The following TNRC6B variants were observed in gnomAD, a reference collection of about 807,000 sequenced individuals.
TNRC6B encodes the protein trinucleotide repeat containing adaptor 6B.
TNRC6B carries 52 observed loss-of-function variants against 203.6 expected under a neutral mutation model. The ratio of observed to expected loss-of-function variants is 0.26; its 90% CI spans 0.20 to 0.32. The LOEUF (loss-of-function observed/expected upper bound fraction) is 0.32, where lower values mean the gene tolerates loss of function less well. Among genes scored for constraint, TNRC6B ranks in the 10% least tolerant of loss-of-function variants. TNRC6B has a pLI of 1.00. For synonymous variants in TNRC6B, 838 were observed against 845.7 expected, an observed-to-expected ratio of 0.99 and a Z score of 0.16; for missense variants, 1,923 against 2,286.2, an observed-to-expected ratio of 0.84 and a Z score of 3.24.
At chr22:40,156,146 A>G (rs748016726) in exon 4 of TNRC6B, 2 of 1,582,026 alleles carry the variant, frequency 1.3e-6, no homozygotes, top group Non-Finnish European at 1.7e-6. Context: ...ATGGAAGGGC[A>G]TGGCAAGACT....
intron 1 of TNRC6B, among the ~76,000 whole-genome samples, chr22:40,223,507 TACGTAC>T (rs1371261423): frequency 6.6e-6 from 1 of 152,244 alleles, no homozygotes; most frequent in African/African-American, 2.4e-5. Context: ...CCCCTTTTCT[TACGTAC>T]ATGATATCAT....
chr22:40,268,431 A>G (rs1184806526), intron 5 of TNRC6B, among the ~76,000 whole-genome samples: 2 of 152,132 alleles, frequency 1.3e-5, no homozygotes, highest in African/African-American at 4.8e-5. Context: ...CAGCTAATCC[A>G]TTTGTGGCCT....
chr22:40,144,752 A>G (rs986930007), intron 3 of TNRC6B, among the ~76,000 whole-genome samples: 12 of 151,902 alleles, frequency 7.9e-5, no homozygotes, highest in Admixed American at 5.9e-4. Context: ...ATACCGAGTG[A>G]AAAAATGTAG....
At chr22:40,251,412 GT>G (rs2070191201) in intron 3 of TNRC6B, among the ~76,000 whole-genome samples, 1 of 152,164 alleles carries the variant, frequency 6.6e-6, no homozygotes, top group South Asian at 2.1e-4. Flanking sequence ...AGTCAAAAGA[GT>G]AAATACCTTG....
At chr22:40,053,558 G>C (rs755379735) in intron 1 of TNRC6B, among the ~76,000 whole-genome samples, 25 of 152,102 alleles carry the variant, frequency 1.6e-4, no homozygotes, top group Non-Finnish European at 2.8e-4. Context: ...TGTTCTCTTA[G>C]ACTTTACTCA....
At position 40,287,464 on chromosome 22, in the gene TNRC6B, G is replaced by A. The variant is rs117117406; in HGVS notation, c.3708+1694G>A. The stretch of plus-strand genomic sequence containing the variant: ...CTCCACACCCCTTCCTTGCCTCCCC[G>A]TCATCACCACCAACTGCCTCTCCAA... On this transcript the variant is annotated intron_variant, in intron 12 of 22. Transcript: ENST00000454349. Among the ~76,000 whole-genome samples, 29 of 152,228 alleles carry A rather than the reference G, an allele frequency of 1.9e-4. No individual in the cohort carries two copies. In the East Asian group the frequency reaches 4.6e-3, roughly 24 times the overall value.
Position 40,301,332 on chromosome 22 carries a change from T to C in TNRC6B, c.4119T>C (p.Ser1373=), listed in dbSNP as rs771585614. Reference sequence around the variant, plus strand: ...AAGGGCCAATACCTGGATATGGTTCTGGTAAGTTGTTGGTAGAGAAAATTA... The same window carrying C: ...AAGGGCCAATACCTGGATATGGTTCCGGTAAGTTGTTGGTAGAGAAAATTA... ...QTKGPIPGYG[S]GFSSGGMDYG... Residue 1373 remains serine (S), a splice_region_variant and synonymous_variant, in exon 15 of 23, where the codon TCT becomes TCC. Coordinates refer to ENST00000454349, the MANE Select transcript of TNRC6B (RefSeq NM_001162501.2). 1 of 1,605,628 alleles carries C rather than the reference T, an allele frequency of 6.2e-7. No homozygotes were observed. Among genetic ancestry groups the C allele is most frequent in the South Asian group, 1.1e-5 (1 of 89,372 alleles).
At chr22:40,143,988 AG>A (rs1426503944) in intron 3 of TNRC6B, among the ~76,000 whole-genome samples, 1 of 152,240 alleles carries the variant, frequency 6.6e-6, no homozygotes, top group South Asian at 2.1e-4. Flanking sequence ...ATTATTCATG[AG>A]CAAAATACAA....
chr22:40,309,250 A>G (rs887510424), intron 16 of TNRC6B, among the ~76,000 whole-genome samples: 1 of 152,172 alleles, frequency 6.6e-6, no homozygotes, highest in Non-Finnish European at 1.5e-5. Context: ...AGGTCTCAGA[A>G]CCTTCCTTCA....
chr22:40,054,110 A>G (rs906986966), intron 1 of TNRC6B, among the ~76,000 whole-genome samples: 8 of 152,118 alleles, frequency 5.3e-5, no homozygotes, highest in Admixed American at 1.3e-4. Context: ...CCAGCTACTC[A>G]GGAGGCTGAG....
intron 1 of TNRC6B, among the ~76,000 whole-genome samples, chr22:40,075,966 A>G (rs895201649): frequency 6.6e-6 from 1 of 152,252 alleles, no homozygotes; most frequent in Middle Eastern, 3.4e-3. Context: ...ATTGTTACCA[A>G]TTTTGCTTTT....
At chr22:40,054,157 A>G (rs575341261) in intron 1 of TNRC6B, among the ~76,000 whole-genome samples, 4 of 152,330 alleles carry the variant, frequency 2.6e-5, no homozygotes, top group East Asian at 3.9e-4. Flanking sequence ...CAGAGGTTGC[A>G]GTCAGCCGAG....
intron 4 of TNRC6B, among the ~76,000 whole-genome samples, chr22:40,165,672 C>A (rs1442762742): frequency 1.3e-5 from 2 of 152,156 alleles, no homozygotes; most frequent in African/African-American, 2.4e-5. Flanking sequence ...GAGGAGGCCT[C>A]AGGGAACTTA....
At chr22:40,155,424 G>A (rs186848442) in intron 3 of TNRC6B, among the ~76,000 whole-genome samples, 8 of 152,250 alleles carry the variant, frequency 5.3e-5, no homozygotes. Context: ...GAGTAGCTGG[G>A]ACTAAAGGCG....
At chr22:40,097,566 G>A (rs1271213195) in intron 1 of TNRC6B, among the ~76,000 whole-genome samples, 3 of 151,988 alleles carry the variant, frequency 2.0e-5, no homozygotes, top group African/African-American at 7.2e-5. Flanking sequence ...CTCCCAAAGT[G>A]CTGAATTTAC....
chr22:40,153,637 A>G (rs2068781799), intron 3 of TNRC6B, among the ~76,000 whole-genome samples: 1 of 151,800 alleles, frequency 6.6e-6, no homozygotes, highest in South Asian at 2.1e-4. Flanking sequence ...AAATTTAATT[A>G]TAGCATTCCA....
At chr22:40,298,704 C>T (rs550329102) in intron 12 of TNRC6B, among the ~76,000 whole-genome samples, 127 of 151,374 alleles carry the variant, frequency 8.4e-4, no homozygotes, top group Non-Finnish European at 1.3e-3. Flanking sequence ...CGGTGGCTCA[C>T]GCCTGTAATC....
intron 3 of TNRC6B, among the ~76,000 whole-genome samples, chr22:40,142,641 A>C (rs1477551149): frequency 6.6e-6 from 1 of 152,210 alleles, no homozygotes; most frequent in African/African-American, 2.4e-5. Flanking sequence ...TGGTCAAAAT[A>C]AGCTTCAAAG....
At chr22:40,187,047 C>T (rs2069213634) in intron 1 of TNRC6B, among the ~76,000 whole-genome samples, 1 of 152,124 alleles carries the variant, frequency 6.6e-6, no homozygotes, top group Admixed American at 6.5e-5. Flanking sequence ...AAAAAGTTTT[C>T]CAGCAATGGA....
Sources: gnomAD v4.1 joint callset for allele counts (sites outside exome capture counted in the v4.1 genomes callset) on GRCh38, gnomAD v4.1.1 for gene constraint, MANE v1.5 for transcripts, NCBI Gene and HGNC (gene_info 2026-07-23, HGNC 2026-07-21) for gene names.